The following ASH1L variants were observed in gnomAD, a reference collection of about 807,000 sequenced individuals.
ASH1L encodes the protein ASH1 like histone lysine methyltransferase.
In ASH1L, 23 loss-of-function variants were observed where a neutral mutation model predicts 269.0. That is an observed-to-expected ratio of 0.09 (90% CI 0.06 to 0.12). The LOEUF is 0.12. Among genes scored for constraint, ASH1L ranks in the 10% least tolerant of loss-of-function variants. ASH1L has a pLI of 1.00. For missense variants in ASH1L, 2,912 were observed against 3,567.8 expected (o/e 0.82, Z 4.68); for synonymous variants, 1,187 against 1,253.5 (o/e 0.95, Z 1.12).
At chr1:155,433,348 G>A (rs1661766927) in intron 5 of ASH1L, 2 of 1,590,884 alleles carry the variant, frequency 1.3e-6, no homozygotes, top group Non-Finnish European at 1.7e-6. Flanking sequence ...CAGGCTCTGA[G>A]GTGTGGGGGA....
chr1:155,357,252 T>G, intron 15 of ASH1L, 64 bp downstream of exon 15: 2 of 1,390,214 alleles, frequency 1.4e-6, no homozygotes, highest in South Asian at 1.2e-5. Context: ...GTTTCATAAT[T>G]TTTTACACAG....
chr1:155,512,495 A>C (rs2148821105), intron 2 of ASH1L, among the ~76,000 whole-genome samples: 1 of 126,424 alleles, frequency 7.9e-6, no homozygotes, highest in Admixed American at 1.1e-4. Flanking sequence ...TCTGTGACTC[A>C]GGCAGGGGTG....
intron 4 of ASH1L, among the ~76,000 whole-genome samples, chr1:155,442,584 AAAAAAAAAAAAAAAAAAAATC>A (rs1662684571): frequency 7.3e-6 from 1 of 137,200 alleles, no homozygotes; most frequent in Admixed American, 7.3e-5. Context: ...ACTCCATCTC[AAAAAAAAAAAAAAAAAAAATC>A]AAAAAAAAAA....
intron 15 of ASH1L, among the ~76,000 whole-genome samples, chr1:155,355,915 G>GTTT (rs113937426): frequency 2.1e-4 from 24 of 116,188 alleles, no homozygotes; most frequent in African/African-American, 5.6e-4. Context: ...CAGGTATTCT[G>GTTT]TTTTTTTTTT....
chr1:155,442,483 T>C (rs1662670813), intron 4 of ASH1L, among the ~76,000 whole-genome samples: 1 of 148,526 alleles, frequency 6.7e-6, no homozygotes, highest in Admixed American at 6.9e-5. Context: ...CTTGTGAGGC[T>C]GAGGCAGGAG....
chr1:155,339,204 G>T, intron 26 of ASH1L, 124 bp downstream of exon 26: 1 of 829,078 alleles, frequency 1.2e-6, no homozygotes, highest in Non-Finnish European at 2.0e-6. Context: ...GCACTACACT[G>T]GGCTACTCTG....
chr1:155,456,522 T>G (rs1429765459), intron 4 of ASH1L, among the ~76,000 whole-genome samples: 2 of 152,190 alleles, frequency 1.3e-5, no homozygotes, highest in Non-Finnish European at 2.9e-5. Flanking sequence ...TAAACATCTT[T>G]TCTTCCACTT....
intron 7 of ASH1L, among the ~76,000 whole-genome samples, chr1:155,388,288 TTTC>T: frequency 6.6e-6 from 1 of 152,216 alleles, no homozygotes; most frequent in East Asian, 1.9e-4. Flanking sequence ...CAGTGACCTT[TTTC>T]TTTTCTTTCT....
intron 1 of ASH1L, among the ~76,000 whole-genome samples, chr1:155,532,604 C>A (rs987280065): frequency 6.6e-6 from 1 of 151,884 alleles, no homozygotes; most frequent in Non-Finnish European, 1.5e-5. Flanking sequence ...GAGTGGATCA[C>A]CTGAGGTCAG....
At chr1:155,531,123 AC>A (rs1219635990) in intron 1 of ASH1L, among the ~76,000 whole-genome samples, 1 of 151,696 alleles carries the variant, frequency 6.6e-6, no homozygotes, top group Non-Finnish European at 1.5e-5. Flanking sequence ...GTGCCACTGC[AC>A]TCCAGTCTGG....
intron 4 of ASH1L, among the ~76,000 whole-genome samples, chr1:155,459,121 T>C (rs765795900): frequency 6.6e-6 from 1 of 152,138 alleles, no homozygotes; most frequent in African/African-American, 2.4e-5. Context: ...ATAGAGGTTC[T>C]CCTCATGAAC....
At chr1:155,546,409 T>C (rs1670831050) in intron 1 of ASH1L, among the ~76,000 whole-genome samples, 1 of 152,002 alleles carries the variant, frequency 6.6e-6, no homozygotes, top group Non-Finnish European at 1.5e-5. Flanking sequence ...TGAGTAAAGA[T>C]TTGCTTATAT....
At position 155,438,981 on chromosome 1, in the gene ASH1L, T is replaced by C. The variant is rs1237271734; in HGVS notation, c.5174A>G (p.Glu1725Gly). Reference protein sequence around the residue: ...DSLLQRMVQNEDQEPMEKSID... With the variant: ...DSLLQRMVQNGDQEPMEKSID... ...ACTTTTCTCCATGGGCTCTTGGTCCTCATTTTGTACCATCCGCTGCAGCAG... is the reference window on the plus strand; with the variant it reads ...ACTTTTCTCCATGGGCTCTTGGTCCCCATTTTGTACCATCCGCTGCAGCAG... The change falls in exon 5 of 28, where the codon GAG becomes GGG. Residue 1725 changes from glutamate (E) to glycine (G), a missense_variant. Glu to Gly is a moderately conservative substitution (Grantham distance 98). Around this residue, in one of 13 missense-constraint regions of ASH1L, gnomAD observed 789 missense variants for 897.6 expected, o/e 0.88. Transcript: ENST00000392403. The C allele has an allele frequency of 6.2e-7, 1 of 1,614,108 alleles. No individual in the cohort carries two copies. Among genetic ancestry groups the C allele is most frequent in the Admixed American group, 1.7e-5 (1 of 59,996 alleles).
rs1553281730 is a variant in ASH1L at position 155,562,424 on chromosome 1, G to GAGC, written c.-374_-372dup. Reference sequence around the variant, plus strand: ...CAAAGCGAACCCAAAATGGCGGCGGGAGCGGCGGCGGCGGCGGCGGCAGCA... The same window carrying GAGC: ...CAAAGCGAACCCAAAATGGCGGCGGGAGCAGCGGCGGCGGCGGCGGCGGCAGCA... On this transcript the variant is annotated 5_prime_UTR_variant, in exon 1 of 28. Transcript: ENST00000392403. The GAGC allele has an allele frequency of 3.4e-6, 5 of 1,480,540 alleles. No homozygotes were observed. The highest frequency in any genetic ancestry group is 2.4e-5 in the South Asian group (2 of 83,016). 91.7% of individuals were successfully genotyped at this position (1,480,540 alleles called of 1,614,324 possible).
intron 3 of ASH1L, among the ~76,000 whole-genome samples, chr1:155,462,925 G>A (rs1207839956): frequency 9.2e-5 from 14 of 152,140 alleles, no homozygotes; most frequent in Non-Finnish European, 7.4e-5. Context: ...GTAAGAAGAT[G>A]AGGATAACTG....
At chr1:155,505,978 TC>T (rs2148806222) in intron 2 of ASH1L, among the ~76,000 whole-genome samples, 1 of 152,210 alleles carries the variant, frequency 6.6e-6, no homozygotes, top group Non-Finnish European at 1.5e-5. Flanking sequence ...CCTAATGCTA[TC>T]CCTCCCCCCT....
At chr1:155,517,047 T>C (rs1170158515) in intron 2 of ASH1L, among the ~76,000 whole-genome samples, 2 of 152,194 alleles carry the variant, frequency 1.3e-5, no homozygotes, top group African/African-American at 4.8e-5. Flanking sequence ...GTAGATTCAA[T>C]GTAATTTCTA....
At chr1:155,459,958 A>G in intron 3 of ASH1L, 60 bp from the exon 4 acceptor site, 1 of 1,333,958 alleles carries the variant, frequency 7.5e-7, no homozygotes, top group South Asian at 1.4e-5. Flanking sequence ...ATAATGTGAA[A>G]CCATCTTTTG....
chr1:155,467,236 A>G (rs1664761287), intron 3 of ASH1L, among the ~76,000 whole-genome samples: 1 of 152,204 alleles, frequency 6.6e-6, no homozygotes, highest in African/African-American at 2.4e-5. Flanking sequence ...CTGACATTCC[A>G]GGTCAGAAAC....
Sources: gnomAD v4.1 joint callset for allele counts (sites outside exome capture counted in the v4.1 genomes callset) on GRCh38, gnomAD v4.1.1 for gene constraint, gnomAD v4.1.1 regional missense constraint, MANE v1.5 for transcripts, NCBI Gene and HGNC (gene_info 2026-07-23, HGNC 2026-07-21) for gene names.